TENM2: variants seen among roughly 807,000 people sequenced by gnomAD.
The protein encoded by TENM2 is teneurin-2.
A neutral mutation model predicts 245.2 loss-of-function variants in TENM2; 52 were observed. That is an observed-to-expected ratio of 0.21 (90% CI 0.17 to 0.27). The LOEUF is 0.27. Ranked by LOEUF, TENM2 falls within the 10% of genes least tolerant of loss-of-function variation. The pLI, the probability that TENM2 is intolerant of heterozygous loss-of-function variation, is 1.00. For missense variants in TENM2, 3,046 were observed against 3,666.8 expected (o/e 0.83, Z 4.37); for synonymous variants, 1,363 against 1,438.9 (o/e 0.95, Z 1.19).
At chr5:167,380,781 G>A (rs1201045429) in intron 2 of TENM2, among the ~76,000 whole-genome samples, 1 of 152,160 alleles carries the variant, frequency 6.6e-6, no homozygotes, top group Non-Finnish European at 1.5e-5. Flanking sequence ...CTTCAGTTGA[G>A]TTGCTCTTTT....
intron 7 of TENM2, among the ~76,000 whole-genome samples, chr5:168,078,649 G>A (rs1176834832): frequency 6.6e-6 from 1 of 152,038 alleles, no homozygotes; most frequent in Non-Finnish European, 1.5e-5. Context: ...TCTACTTATG[G>A]CTAGCCAGTT....
chr5:168,236,561 C>G (rs779129125), intron 25 of TENM2, among the ~76,000 whole-genome samples: 10 of 152,132 alleles, frequency 6.6e-5, no homozygotes, highest in Non-Finnish European at 1.2e-4. Flanking sequence ...CTCATCAGTC[C>G]CAGCTCTGGT....
chr5:167,022,257 CCAATGAAGAGT>C, the TENM2 span, among the ~76,000 whole-genome samples: 1 of 152,212 alleles, frequency 6.6e-6, no homozygotes, highest in South Asian at 2.1e-4. Flanking sequence ...ATTAAATATT[CCAATGAAGAGT>C]CAATTGGAGC....
chr5:167,889,924 T>C (rs893516202), intron 3 of TENM2, among the ~76,000 whole-genome samples: 19 of 152,334 alleles, frequency 1.2e-4, no homozygotes, highest in African/African-American at 4.6e-4. Flanking sequence ...CTAGGCAGAC[T>C]TGGCCTTTTC....
chr5:167,927,066 C>T (rs1056809988), intron 3 of TENM2, among the ~76,000 whole-genome samples: 1 of 151,850 alleles, frequency 6.6e-6, no homozygotes, highest in African/African-American at 2.4e-5. Context: ...GTAGGTAGCC[C>T]ATTGTATTCG....
chr5:167,113,250 A>G, the TENM2 span, among the ~76,000 whole-genome samples: 1 of 152,270 alleles, frequency 6.6e-6, no homozygotes, highest in South Asian at 2.1e-4. Flanking sequence ...GAGAGCTGCA[A>G]AGGGAATCAC....
At chr5:167,389,599 G>T (rs1395040566) in intron 2 of TENM2, among the ~76,000 whole-genome samples, 2 of 152,040 alleles carry the variant, frequency 1.3e-5, no homozygotes, top group African/African-American at 2.4e-5. Context: ...TTGCAGTAAA[G>T]AGCAATGTGA....
chr5:167,434,857 G>C (rs1764449104), intron 2 of TENM2, among the ~76,000 whole-genome samples: 1 of 152,146 alleles, frequency 6.6e-6, no homozygotes, highest in African/African-American at 2.4e-5. Context: ...CAAATTCTGT[G>C]AGTTTCTTTG....
exon 29 of TENM2, chr5:168,262,906 G>A (rs1223811796): frequency 2.8e-5 from 35 of 1,247,148 alleles, no homozygotes; most frequent in Middle Eastern, 2.0e-4. Flanking sequence ...GGGGCACTGC[G>A]GCTGGGCTGC....
intron 4 of TENM2, among the ~76,000 whole-genome samples, chr5:167,991,379 A>G (rs1216991540): frequency 1.3e-5 from 2 of 152,198 alleles, no homozygotes; most frequent in Non-Finnish European, 2.9e-5. Flanking sequence ...AAGGTACAAA[A>G]TAAGACATAG....
At chr5:168,231,168 A>G (rs890416919) in intron 25 of TENM2, 6 of 152,314 alleles carry the variant, frequency 3.9e-5, no homozygotes, top group Non-Finnish European at 8.8e-5. Context: ...GGGAACCTCA[A>G]CTGAACCACA....
At chr5:167,782,820 G>A (rs1764289059) in intron 2 of TENM2, among the ~76,000 whole-genome samples, 2 of 152,142 alleles carry the variant, frequency 1.3e-5, no homozygotes, top group Non-Finnish European at 2.9e-5. Flanking sequence ...GAACATTATG[G>A]GAAGGCTGCT....
chr5:167,698,788 T>G (rs1046363855), intron 2 of TENM2, among the ~76,000 whole-genome samples: 5 of 147,772 alleles, frequency 3.4e-5, no homozygotes, highest in Non-Finnish European at 6.0e-5. Flanking sequence ...GATTCACGCC[T>G]TTCTCCTGCC....
chr5:167,928,652 G>A (rs1172172632), intron 3 of TENM2, among the ~76,000 whole-genome samples: 1 of 152,034 alleles, frequency 6.6e-6, no homozygotes, highest in African/African-American at 2.4e-5. Flanking sequence ...CCAGCATTTT[G>A]GGAGGCCGAG....
chr5:168,264,071 A>G (rs2152727347), downstream of TENM2: 1 of 152,714 alleles, frequency 6.5e-6, no homozygotes, highest in African/African-American at 2.4e-5. Context: ...TTTGCTGCTA[A>G]GCAAAGACTA....
At chr5:168,254,205 A>C (rs1767427289) in intron 27 of TENM2, among the ~76,000 whole-genome samples, 1 of 152,242 alleles carries the variant, frequency 6.6e-6, no homozygotes, top group Admixed American at 6.5e-5. Flanking sequence ...GTCATGAGCT[A>C]TTAGGCGGTG....
Position 167,582,866 on chromosome 5 carries a change from G to C in TENM2, c.502+207393G>C, listed in dbSNP as rs527477348. Among the ~76,000 whole-genome samples, 384 of 152,130 alleles carry C rather than the reference G, an allele frequency of 2.5e-3. 1 individual carries two copies. Among genetic ancestry groups the C allele is most frequent in the African/African-American group, 8.2e-3 (339 of 41,484 alleles). On this transcript the variant is annotated intron_variant, in intron 2 of 28. Coordinates refer to ENST00000518659, the Ensembl canonical transcript of TENM2. ...TTTTAGCTGCCAATTCAGTCCCCTT[G>C]ACTCTTAGAAATGAATCATTTCATG... is the stretch of plus-strand genomic sequence containing the variant.
At chr5:167,709,596 G>C (rs1308856109) in intron 2 of TENM2, among the ~76,000 whole-genome samples, 7 of 152,212 alleles carry the variant, frequency 4.6e-5, no homozygotes, top group Non-Finnish European at 7.3e-5. Flanking sequence ...GGAGTGAATG[G>C]AGAACTGACA....
chr5:167,378,946 C>T (rs917491557), intron 2 of TENM2, among the ~76,000 whole-genome samples: 1 of 121,904 alleles, frequency 8.2e-6, no homozygotes, highest in African/African-American at 3.1e-5. Context: ...AACAAAAAAA[C>T]AAAAAACAAA....
Sources: gnomAD v4.1 joint callset for allele counts (sites outside exome capture counted in the v4.1 genomes callset) on GRCh38, gnomAD v4.1.1 for gene constraint, MANE v1.5 for transcripts, NCBI Gene and HGNC (gene_info 2026-07-23, HGNC 2026-07-21) for gene names.